The following UNCX variants were observed in gnomAD, a reference collection of about 807,000 sequenced individuals.
The protein encoded by UNCX is UNC homeobox.
A neutral mutation model predicts 14.8 loss-of-function variants in UNCX; 4 were observed. The ratio of observed to expected loss-of-function variants is 0.27; its 90% confidence interval spans 0.13 to 0.62. The LOEUF (loss-of-function observed/expected upper bound fraction) is 0.62. UNCX is among the 20% of genes least tolerant of loss of function. UNCX has a pLI of 0.86. For missense variants in UNCX, 749 were observed against 786.8 expected (o/e 0.95, Z 0.58); for synonymous variants, 459 against 395.8 (o/e 1.16, Z -1.90).
Position 1,236,834 on chromosome 7 carries a change from G to A in UNCX, c.1453G>A (p.Ala485Thr). The A allele has an allele frequency of 1.0e-6, 1 of 988,676 alleles. No homozygotes were observed. Among genetic ancestry groups the A allele is most frequent in the Non-Finnish European group, 1.2e-6 (1 of 834,358 alleles). 61.2% of individuals were successfully genotyped at this position (988,676 alleles called of 1,614,324 possible). A position where few individuals can be genotyped will look rare whatever the true frequency, so the allele number is the denominator to read the frequency against. Residue 485 changes from alanine to threonine, a missense_variant, in exon 3 of 3, where the codon GCG becomes ACG. Transcript: ENST00000316333. The surrounding 1 kb of genome is among the most constrained non-coding windows in gnomAD (Gnocchi z 6.9). ...CGCGGACGCGGGGACCGCCGGCCCC[G>A]CGCCCCCGCCGCCCGCGCCGTCGCC... ...DCADAGTAGP[A>T]PPPPAPSPRP...
Position 1,233,004 on chromosome 7 carries a change from G to T in UNCX, c.-14G>T. 8.3e-7 allele frequency: 1 copy of T among 1,200,212 alleles called. No individual in the cohort carries two copies. The highest frequency in any genetic ancestry group is 1.0e-6 in the Non-Finnish European group (1 of 966,902). The allele number at this position is 1,200,212 out of a possible 1,614,324, so 74.3% of individuals were successfully genotyped here. ...CCGCGCCCCGCCACCGGCCCCGCCGGCCCCCCGCGCGAGATGATGGACGGC... is the reference window on the plus strand; with the variant it reads ...CCGCGCCCCGCCACCGGCCCCGCCGTCCCCCCGCGCGAGATGATGGACGGC... On this transcript the variant is annotated 5_prime_UTR_variant, in exon 1 of 3. Transcript: ENST00000316333. This position sits in a 1 kb window ranked among gnomAD's most constrained non-coding sequence, Gnocchi z 5.3.
chr7:1,233,641 G>C lies in UNCX; in HGVS notation c.396G>C (p.Val132=). The change falls in exon 2 of 3, where the codon GTG becomes GTC. Residue 132 remains valine (V), a synonymous_variant. Transcript: ENST00000316333. The surrounding 1 kb of genome is among the most constrained non-coding windows in gnomAD (Gnocchi z 5.3). ...TCAACGAGAGCCACTATCCCGACGT[G>C]TTCATGCGCGAGGCGCTGGCGCTGC... ...KAFNESHYPD[V]FMREALALRL... 1 of 1,612,732 alleles carries C rather than the reference G, an allele frequency of 6.2e-7. No individual in the cohort carries two copies. The highest frequency in any genetic ancestry group is 8.5e-7 in the Non-Finnish European group (1 of 1,179,640).
chr7:1,236,203 G>T lies in UNCX; in HGVS notation c.822G>T (p.Glu274Asp). Residue 274 changes from glutamate (E) to aspartate (D), a missense_variant, in exon 3 of 3, where the codon GAG becomes GAT. Physicochemically the swap from Glu to Asp is conservative, Grantham distance 45. Coordinates refer to ENST00000316333, the MANE Select transcript of UNCX (RefSeq NM_001080461.3). The surrounding 1 kb of genome is among the most constrained non-coding windows in gnomAD (Gnocchi z 6.9). The stretch of plus-strand genomic sequence containing the variant: ...GGACCGCGCCCGCCCCTCCCGGCGA[G>T]CCGCCTGCACCCGGCACCTGCGACC... Reference protein sequence around the residue: ...AAGTAPAPPGEPPAPGTCDPA... With the variant: ...AAGTAPAPPGDPPAPGTCDPA... The T allele has an allele frequency of 7.6e-7, 1 of 1,316,680 alleles. No homozygotes were observed. Among genetic ancestry groups the T allele is most frequent in the Non-Finnish European group, 9.8e-7 (1 of 1,021,420 alleles). The allele number at this position is 1,316,680 out of a possible 1,614,324, so 81.6% of individuals were successfully genotyped here.
intron 2 of UNCX, 55 bp from the exon 3 acceptor site, chr7:1,235,777 G>C: frequency 6.5e-7 from 1 of 1,539,946 alleles, no homozygotes. Context: ...CCTCGGCCCC[G>C]GCGGCCAGCC....
intron 2 of UNCX, among the ~76,000 whole-genome samples, chr7:1,234,839 G>A (rs975011655): frequency 1.3e-5 from 2 of 151,444 alleles, no homozygotes; most frequent in African/African-American, 4.9e-5. Flanking sequence ...CCTCCCCATG[G>A]ACAAGGCTCC....
intron 2 of UNCX, among the ~76,000 whole-genome samples, chr7:1,234,570 T>C (rs1051816945): frequency 5.3e-5 from 8 of 151,312 alleles, no homozygotes; most frequent in African/African-American, 1.9e-4. Flanking sequence ...TTATCACCAA[T>C]AGCTTTGTCT....
At position 1,236,690 on chromosome 7, in the gene UNCX, T is replaced by C; in HGVS notation, c.1309T>C (p.Ser437Pro). 1 of 1,004,370 alleles carries C rather than the reference T, an allele frequency of 1.0e-6. No homozygotes were observed. Among genetic ancestry groups the C allele is most frequent in the Non-Finnish European group, 1.2e-6 (1 of 844,798 alleles). 62.2% of individuals were successfully genotyped at this position (1,004,370 alleles called of 1,614,324 possible). A position where few individuals can be genotyped will look rare whatever the true frequency, so the allele number is the denominator to read the frequency against. The change falls in exon 3 of 3, where the codon TCG becomes CCG. Residue 437 changes from serine to proline, a missense_variant. By Grantham distance (74) the Ser-to-Pro change is moderately conservative. Coordinates refer to ENST00000316333, the MANE Select transcript of UNCX (RefSeq NM_001080461.3). This position sits in a 1 kb window ranked among gnomAD's most constrained non-coding sequence, Gnocchi z 6.9. ...AFSGPGGAPD[S>P]AFARRSPDAV... ...CTCGGGGCCCGGCGGCGCCCCGGACTCGGCCTTCGCGCGTCGCAGCCCCGA... is the reference window on the plus strand; with the variant it reads ...CTCGGGGCCCGGCGGCGCCCCGGACCCGGCCTTCGCGCGTCGCAGCCCCGA...
intron 2 of UNCX, among the ~76,000 whole-genome samples, chr7:1,235,568 C>A (rs1778723659): frequency 6.6e-6 from 1 of 152,280 alleles, no homozygotes; most frequent in Non-Finnish European, 1.5e-5. Flanking sequence ...GGGCGGCTCC[C>A]AGGTCCCCGA....
At position 1,233,426 on chromosome 7, in the gene UNCX, CG is replaced by C. The variant is rs1234741313; in HGVS notation, c.275-92del. 1.9e-5 allele frequency: 26 copies of C among 1,352,484 alleles called. No homozygotes were observed. The highest frequency in any genetic ancestry group is 9.0e-5 in the East Asian group (3 of 33,480). 83.8% of individuals were successfully genotyped at this position (1,352,484 alleles called of 1,614,324 possible). A position where few individuals can be genotyped will look rare whatever the true frequency, so the allele number is the denominator to read the frequency against. On this transcript the variant is annotated intron_variant, in intron 1 of 2. Transcript: ENST00000316333. This position sits in a 1 kb window ranked among gnomAD's most constrained non-coding sequence, Gnocchi z 5.3. Reference sequence around the variant, plus strand: ...GCGGCCGTCTCTGCGCCCCCCCCCCCGGATCCAGGCGGCCAGCGGGTAGCGG... The same window carrying C: ...GCGGCCGTCTCTGCGCCCCCCCCCCCGATCCAGGCGGCCAGCGGGTAGCGG...
At position 1,233,578 on chromosome 7, in the gene UNCX, C is replaced by T. The variant is rs1413952165; in HGVS notation, c.333C>T (p.Asn111=). 3.7e-6 allele frequency: 6 copies of T among 1,612,956 alleles called. No homozygotes were observed. Among genetic ancestry groups the T allele is most frequent in the African/African-American group, 1.3e-5 (1 of 74,948 alleles). Reference sequence around the variant, plus strand: ...GCAAGCGGCGGCGCACCCGCACCAACTTCACCGGCTGGCAGCTGGAGGAGC... The same window carrying T: ...GCAAGCGGCGGCGCACCCGCACCAATTTCACCGGCTGGCAGCTGGAGGAGC... ...PGCKRRRTRT[N]FTGWQLEELE... The change falls in exon 2 of 3, where the codon AAC becomes AAT. Residue 111 remains asparagine (N), a synonymous_variant. Coordinates refer to ENST00000316333, the MANE Select transcript of UNCX (RefSeq NM_001080461.3). The surrounding 1 kb of genome is among the most constrained non-coding windows in gnomAD (Gnocchi z 5.3).
At position 1,233,799 on chromosome 7, in the gene UNCX, G is replaced by T. The variant is rs1778690046; in HGVS notation, c.450+104G>T. 1 of 1,396,520 alleles carries T rather than the reference G, an allele frequency of 7.2e-7. No individual in the cohort carries two copies. The highest frequency in any genetic ancestry group is 9.5e-7 in the Non-Finnish European group (1 of 1,048,136). The allele number at this position is 1,396,520 out of a possible 1,614,324, so 86.5% of individuals were successfully genotyped here. On this transcript the variant is annotated intron_variant, in intron 2 of 2. Transcript: ENST00000316333. This position sits in a 1 kb window ranked among gnomAD's most constrained non-coding sequence, Gnocchi z 5.3. ...GGCGAGATATCGTCCCCTTGCCGCG[G>T]GCCCGCTTCGCGCTCGCCTGCTGGG...
At position 1,236,225 on chromosome 7, in the gene UNCX, G is replaced by A. The variant is rs1562375821; in HGVS notation, c.844G>A (p.Asp282Asn). The change falls in exon 3 of 3, where the codon GAC becomes AAC. Residue 282 changes from aspartate (D) to asparagine (N), a missense_variant. Around this residue, in one of 3 missense-constraint regions of UNCX, gnomAD observed 552 missense variants for 507.2 expected, o/e 1.09. Transcript: ENST00000316333. The surrounding 1 kb of genome is among the most constrained non-coding windows in gnomAD (Gnocchi z 6.9). ...PGEPPAPGTC[D>N]PAFYPSQRSG... ...CGAGCCGCCTGCACCCGGCACCTGCGACCCCGCCTTCTACCCGAGCCAAAG... is the reference window on the plus strand; with the variant it reads ...CGAGCCGCCTGCACCCGGCACCTGCAACCCCGCCTTCTACCCGAGCCAAAG... 1 of 1,354,344 alleles carries A rather than the reference G, an allele frequency of 7.4e-7. No homozygotes were observed. The highest frequency in any genetic ancestry group is 4.0e-5 in the East Asian group (1 of 25,132). The allele number at this position is 1,354,344 out of a possible 1,614,324, so 83.9% of individuals were successfully genotyped here.
Position 1,236,491 on chromosome 7 carries a change from G to A in UNCX, c.1110G>A (p.Arg370=). The A allele has an allele frequency of 7.1e-7, 1 of 1,401,226 alleles. No homozygotes were observed. Among genetic ancestry groups the A allele is most frequent in the South Asian group, 1.4e-5 (1 of 72,832 alleles). 86.8% of individuals were successfully genotyped at this position (1,401,226 alleles called of 1,614,324 possible). Residue 370 remains arginine, a synonymous_variant, in exon 3 of 3, where the codon CGG becomes CGA. Transcript: ENST00000316333. The surrounding 1 kb of genome is among the most constrained non-coding windows in gnomAD (Gnocchi z 6.9). ...CGCCCGGGCTGCCGTGCGCGCCGCG[G>A]ACCCTGATCGGCAAGGGCCACTTCC... ...DFAPGLPCAP[R]TLIGKGHFLL...
In UNCX at chr7:1,236,575, C is replaced by A; in HGVS notation, c.1194C>A (p.Gly398=). 1.5e-6 allele frequency: 2 copies of A among 1,291,600 alleles called. No homozygotes were observed. The highest frequency in any genetic ancestry group is 2.0e-6 in the Non-Finnish European group (2 of 1,008,190). The allele number at this position is 1,291,600 out of a possible 1,614,324, so 80.0% of individuals were successfully genotyped here. ...GFLVPQAALK[G]GAGLEPAPKD... is the part of the protein sequence containing the mutation. ...TGGTGCCGCAGGCCGCGCTCAAGGG[C>A]GGCGCGGGCCTGGAGCCGGCGCCCA... is the stretch of plus-strand genomic sequence containing the variant. Residue 398 remains glycine, a synonymous_variant, in exon 3 of 3, where the codon GGC becomes GGA. Transcript: ENST00000316333. The surrounding 1 kb of genome is among the most constrained non-coding windows in gnomAD (Gnocchi z 6.9).
chr7:1,232,976 C>A lies in UNCX; in HGVS notation c.-42C>A. The A allele has an allele frequency of 9.6e-7, 1 of 1,045,976 alleles. No homozygotes were observed. 64.8% of individuals were successfully genotyped at this position (1,045,976 alleles called of 1,614,324 possible). A position where few individuals can be genotyped will look rare whatever the true frequency, so the allele number is the denominator to read the frequency against. On this transcript the variant is annotated 5_prime_UTR_variant, in exon 1 of 3. Coordinates refer to ENST00000316333, the MANE Select transcript of UNCX (RefSeq NM_001080461.3). ...TGGCCCGCCCCGGCCCCGGCCCGCG[C>A]CCCCGCGCCCCGCCACCGGCCCCGC...
chr7:1,233,403 G>T lies in UNCX; in HGVS notation c.274+112G>T, dbSNP rs900891008. 1.5e-6 allele frequency: 2 copies of T among 1,322,680 alleles called. No homozygotes were observed. The highest frequency in any genetic ancestry group is 1.6e-5 in the African/African-American group (1 of 61,034). The allele number at this position is 1,322,680 out of a possible 1,614,324, so 81.9% of individuals were successfully genotyped here. The stretch of plus-strand genomic sequence containing the variant: ...GGCGAAGGAGAGCCGGCTCCTAGGC[G>T]GCCGTCTCTGCGCCCCCCCCCCCGG... On this transcript the variant is annotated intron_variant, in intron 1 of 2. Coordinates refer to ENST00000316333, the MANE Select transcript of UNCX (RefSeq NM_001080461.3). The surrounding 1 kb of genome is among the most constrained non-coding windows in gnomAD (Gnocchi z 5.3).
Position 1,233,539 on chromosome 7 carries a change from G to T in UNCX, c.294G>T (p.Lys98Asn), listed in dbSNP as rs1412804605. 1.9e-6 allele frequency: 3 copies of T among 1,612,348 alleles called. No individual in the cohort carries two copies. Among genetic ancestry groups the T allele is most frequent in the East Asian group, 4.5e-5 (2 of 44,840 alleles). Residue 98 changes from lysine (K) to asparagine (N), a missense_variant, in exon 2 of 3, where the codon AAG becomes AAT. By Grantham distance (94) the Lys-to-Asn change is moderately conservative (BLOSUM62 0). Coordinates refer to ENST00000316333, the MANE Select transcript of UNCX (RefSeq NM_001080461.3). The surrounding 1 kb of genome is among the most constrained non-coding windows in gnomAD (Gnocchi z 5.3). ...FKLSDSGDPD[K>N]ESPGCKRRRT... is the part of the protein sequence containing the mutation. ...CCGCAGACTCGGGGGACCCGGACAA[G>T]GAGAGCCCGGGCTGCAAGCGGCGGC...
Position 1,236,944 on chromosome 7 carries a change from C to T in UNCX, c.1563C>T (p.Ser521=). Residue 521 remains serine, a synonymous_variant, in exon 3 of 3, where the codon AGC becomes AGT. Transcript: ENST00000316333. The surrounding 1 kb of genome is among the most constrained non-coding windows in gnomAD (Gnocchi z 6.9). Reference sequence around the variant, plus strand: ...AGCCTGGCGCGGCGGCCGGACCCAGCCCGCCGGAGGGCGAGGAGCTGGACA... The same window carrying T: ...AGCCTGGCGCGGCGGCCGGACCCAGTCCGCCGGAGGGCGAGGAGCTGGACA... ...VPEPGAAAGP[S]PPEGEELDMD is the part of the protein sequence containing the mutation. 1.7e-6 allele frequency: 2 copies of T among 1,197,726 alleles called. No homozygotes were observed. Among genetic ancestry groups the T allele is most frequent in the Admixed American group, 4.5e-5 (1 of 22,238 alleles). The allele number at this position is 1,197,726 out of a possible 1,614,324, so 74.2% of individuals were successfully genotyped here.
At chr7:1,235,749 TG>T (rs892741460) in intron 2 of UNCX, 82 bp from the exon 3 acceptor site, 124 of 1,327,634 alleles carry the variant, frequency 9.3e-5, no homozygotes, top group Non-Finnish European at 1.2e-4. Flanking sequence ...CAGGCCCCTC[TG>T]GGGGGAGCGG....
Sources: allele counts gnomAD v4.1 joint callset (sites outside exome capture counted in the v4.1 genomes callset), GRCh38; gene constraint gnomAD v4.1.1; regional missense constraint gnomAD v4.1.1; non-coding constraint Gnocchi (gnomAD v3.1); transcripts MANE v1.5; gene names NCBI Gene and HGNC (gene_info 2026-07-23, HGNC 2026-07-21).